Variants in CAMK1D observed in about 807,000 individuals in gnomAD.
CAMK1D encodes the protein calcium/calmodulin dependent protein kinase ID.
CAMK1D carries 9 observed loss-of-function variants against 47.7 expected under a neutral mutation model. The observed-to-expected ratio is 0.19, with a 90% CI of 0.11 to 0.33. The LOEUF (loss-of-function observed/expected upper bound fraction) is 0.33. CAMK1D is among the 10% of genes least tolerant of loss of function. The probability of loss-of-function intolerance (pLI) is 1.00; values close to 1 mark genes in which losing one functional copy is unlikely to be tolerated. For synonymous variants in CAMK1D, 184 were observed against 184.9 expected (o/e 0.99, Z 0.04); for missense variants, 291 against 488.7 (o/e 0.60, Z 3.81).
chr10:12,579,420 A>T (rs73572228), intron 2 of CAMK1D, among the ~76,000 whole-genome samples: 6,613 of 152,152 alleles, frequency 0.043, 400 homozygotes, highest in African/African-American at 0.14. Flanking sequence ...CAATTTAATC[A>T]TGTAGCTTTC....
chr10:12,745,856 G>A (rs1052152102), intron 3 of CAMK1D, among the ~76,000 whole-genome samples: 2 of 151,840 alleles, frequency 1.3e-5, no homozygotes, highest in East Asian at 1.9e-4. Context: ...CATGCGCTTC[G>A]GCCCCCCAAA....
intron 1 of CAMK1D, among the ~76,000 whole-genome samples, chr10:12,538,812 C>A (rs1476248106): frequency 6.7e-6 from 1 of 148,348 alleles, no homozygotes; most frequent in East Asian, 2.0e-4. Context: ...CTCTCCCTCG[C>A]AGCTTTTATC....
chr10:12,716,969 T>G (rs954921325), intron 3 of CAMK1D, among the ~76,000 whole-genome samples: 3 of 152,198 alleles, frequency 2.0e-5, no homozygotes, highest in Non-Finnish European at 2.9e-5. Context: ...AGGGTATATG[T>G]ATTCACAGAG....
At chr10:12,595,184 A>G (rs1490894796) in intron 2 of CAMK1D, among the ~76,000 whole-genome samples, 1 of 151,890 alleles carries the variant, frequency 6.6e-6, no homozygotes, top group African/African-American at 2.4e-5. Flanking sequence ...TCTACTAAAA[A>G]TACAAAAATT....
chr10:12,626,650 T>G (rs550501146), intron 2 of CAMK1D, among the ~76,000 whole-genome samples: 1 of 152,262 alleles, frequency 6.6e-6, no homozygotes, highest in South Asian at 2.1e-4. Context: ...ATTTTTTGTA[T>G]TTTTAGTAGA....
At chr10:12,693,918 A>G (rs1833037875) in intron 3 of CAMK1D, among the ~76,000 whole-genome samples, 1 of 105,142 alleles carries the variant, frequency 9.5e-6, no homozygotes, top group Non-Finnish European at 1.8e-5. Flanking sequence ...TAATATATAT[A>G]AAAATATATA....
At chr10:12,447,519 T>G (rs1229380919) in intron 1 of CAMK1D, among the ~76,000 whole-genome samples, 1 of 152,172 alleles carries the variant, frequency 6.6e-6, no homozygotes, top group Non-Finnish European at 1.5e-5. Context: ...CTGGGCTACA[T>G]AGCAAGACCC....
intron 3 of CAMK1D, among the ~76,000 whole-genome samples, chr10:12,670,193 CT>C (rs1840569536): frequency 7.3e-6 from 1 of 137,194 alleles, no homozygotes; most frequent in African/African-American, 2.7e-5. Context: ...CTTGCTAGCC[CT>C]TGAGATTTTC....
chr10:12,357,417 G>A (rs183133915), intron 1 of CAMK1D, among the ~76,000 whole-genome samples: 151 of 152,232 alleles, frequency 9.9e-4, no homozygotes, highest in African/African-American at 3.4e-3. Context: ...CCGGGTTCAA[G>A]TGATTCTCCT....
intron 2 of CAMK1D, among the ~76,000 whole-genome samples, chr10:12,627,929 A>C (rs1388307515): frequency 6.6e-6 from 1 of 152,020 alleles, no homozygotes; most frequent in Non-Finnish European, 1.5e-5. Context: ...AATACAAAAA[A>C]ATTTAGCCAG....
intron 2 of CAMK1D, among the ~76,000 whole-genome samples, chr10:12,563,469 G>C (rs1452308993): frequency 6.6e-6 from 1 of 152,232 alleles, no homozygotes; most frequent in Non-Finnish European, 1.5e-5. Flanking sequence ...TTTTTACTCA[G>C]TCTGCTGATT....
intron 8 of CAMK1D, 106 bp downstream of exon 8, chr10:12,816,434 T>C: frequency 2.2e-6 from 2 of 890,804 alleles, no homozygotes; most frequent in Non-Finnish European, 3.5e-6. Context: ...CACAGGATTA[T>C]TACAAATTTC....
At chr10:12,494,875 T>C (rs1191232661) in intron 1 of CAMK1D, among the ~76,000 whole-genome samples, 1 of 152,134 alleles carries the variant, frequency 6.6e-6, no homozygotes, top group Non-Finnish European at 1.5e-5. Flanking sequence ...AGCCTGGCCT[T>C]GAATTTTCTT....
intron 1 of CAMK1D, among the ~76,000 whole-genome samples, chr10:12,367,900 G>A (rs1014988970): frequency 1.3e-5 from 2 of 152,100 alleles, no homozygotes; most frequent in Non-Finnish European, 2.9e-5. Context: ...GGCTTAGAAG[G>A]TGAAGTCTTT....
At chr10:12,794,602 T>C (rs1929388) in intron 6 of CAMK1D, among the ~76,000 whole-genome samples, 63,050 of 151,862 alleles carry the variant, frequency 0.42, 13,388 homozygotes, top group African/African-American at 0.47. Flanking sequence ...ATAAATTTGG[T>C]AAGTTTCTAC....
chr10:12,764,330 G>C (rs142721538), intron 4 of CAMK1D, among the ~76,000 whole-genome samples: 1 of 124,158 alleles, frequency 8.1e-6, no homozygotes, highest in Non-Finnish European at 1.6e-5. Flanking sequence ...GCAGTGAGCC[G>C]AGATCGCACC....
At chr10:12,747,528 A>G (rs979802492) in intron 3 of CAMK1D, among the ~76,000 whole-genome samples, 6 of 151,572 alleles carry the variant, frequency 4.0e-5, no homozygotes, top group African/African-American at 1.2e-4. Context: ...TGGTCGTGCT[A>G]TGTTGCCCAG....
chr10:12,788,958 A>G (rs2130991351), intron 5 of CAMK1D, among the ~76,000 whole-genome samples: 1 of 152,380 alleles, frequency 6.6e-6, no homozygotes, highest in Non-Finnish European at 1.5e-5. Flanking sequence ...GTTGCAGACT[A>G]AAGCCAGTTT....
intron 1 of CAMK1D, among the ~76,000 whole-genome samples, chr10:12,380,656 A>G (rs1838313571): frequency 6.6e-6 from 1 of 152,176 alleles, no homozygotes; most frequent in Non-Finnish European, 1.5e-5. Flanking sequence ...AGAGATCGAG[A>G]CCATCCTGGC....
Sources: allele counts gnomAD v4.1 joint callset (sites outside exome capture counted in the v4.1 genomes callset), GRCh38; gene constraint gnomAD v4.1.1; transcripts MANE v1.5; gene names NCBI Gene and HGNC (gene_info 2026-07-23, HGNC 2026-07-21).